The following PAM variants were observed in gnomAD, a reference collection of about 807,000 sequenced individuals.
The protein encoded by PAM is peptidyl-glycine alpha-amidating monooxygenase.
A neutral mutation model predicts 122.1 loss-of-function variants in PAM; 72 were observed. The ratio of observed to expected loss-of-function variants is 0.59; its 90% CI spans 0.49 to 0.72. The LOEUF is 0.72. PAM is among the 30% of genes least tolerant of loss of function. PAM has a pLI of 0.00. For missense variants in PAM, 1,106 were observed against 1,183.7 expected (o/e 0.93, Z 0.96); for synonymous variants, 389 against 404.4 (o/e 0.96, Z 0.46).
chr5:103,027,034 G>A (rs930388959), intron 24 of PAM, among the ~76,000 whole-genome samples: 11 of 152,276 alleles, frequency 7.2e-5, no homozygotes, highest in African/African-American at 2.6e-4. Flanking sequence ...TTATTTGACC[G>A]TGTTTTACTT....
Position 102,836,213 on chromosome 5 carries a change from GA to G in PAM, c.-373-29605del, listed in dbSNP as rs1252723364. On this transcript the variant is annotated intron_variant, in intron 1 of 25. Coordinates refer to ENST00000438793, the MANE Select transcript of PAM (RefSeq NM_001177306.2). Reference sequence around the variant, plus strand: ...GTTGAAATGATTAATATTTTATGTTGAAAAATCTACTTATTTGAATGTTTCA... The same window carrying G: ...GTTGAAATGATTAATATTTTATGTTGAAAATCTACTTATTTGAATGTTTCA... Among the ~76,000 whole-genome samples, 4 of 152,074 alleles carry G rather than the reference GA, an allele frequency of 2.6e-5. No homozygotes were observed. The East Asian group carries it at 7.7e-4, about 29-fold the overall frequency.
intron 15 of PAM, chr5:102,987,441 A>G (rs1186056385): frequency 2.4e-6 from 1 of 411,324 alleles, no homozygotes; most frequent in Non-Finnish European, 4.8e-6. Context: ...ATGTAGAGAG[A>G]TGAAATAACT....
intron 1 of PAM, among the ~76,000 whole-genome samples, chr5:102,768,013 C>T (rs1250919721): frequency 1.3e-5 from 2 of 152,068 alleles, no homozygotes; most frequent in Non-Finnish European, 2.9e-5. Context: ...AATTAATAAG[C>T]TCATCGATGT....
intron 4 of PAM, among the ~76,000 whole-genome samples, chr5:102,907,689 T>C (rs1486537892): frequency 1.3e-5 from 2 of 151,908 alleles, no homozygotes; most frequent in African/African-American, 4.8e-5. Flanking sequence ...TAGTATCTCA[T>C]TGTGGTTTTG....
At chr5:103,010,137 TG>T (rs1780193094) in intron 21 of PAM, among the ~76,000 whole-genome samples, 1 of 152,196 alleles carries the variant, frequency 6.6e-6, no homozygotes, top group African/African-American at 2.4e-5. Flanking sequence ...CACCTGCATA[TG>T]ATGGCAGGTT....
intron 24 of PAM, among the ~76,000 whole-genome samples, chr5:103,027,505 A>G (rs1249348282): frequency 6.6e-6 from 1 of 152,148 alleles, no homozygotes; most frequent in Non-Finnish European, 1.5e-5. Flanking sequence ...AAAAAATGAA[A>G]CCCATTGGGA....
chr5:102,870,337 T>C (rs1786990193), intron 3 of PAM, among the ~76,000 whole-genome samples: 1 of 152,054 alleles, frequency 6.6e-6, no homozygotes, highest in Non-Finnish European at 1.5e-5. Context: ...TAGGCTTAGA[T>C]AGAGAAACAA....
intron 1 of PAM, among the ~76,000 whole-genome samples, chr5:102,841,150 G>A (rs13155440): frequency 6.6e-6 from 1 of 152,036 alleles, no homozygotes; most frequent in Admixed American, 6.6e-5. Flanking sequence ...AGCATACATA[G>A]TAAGTTTCAT....
intron 18 of PAM, among the ~76,000 whole-genome samples, chr5:103,006,063 T>G (rs1440660291): frequency 6.6e-6 from 1 of 152,048 alleles, no homozygotes; most frequent in Non-Finnish European, 1.5e-5. Flanking sequence ...GCCTCCCAAG[T>G]AGCTGGGACC....
chr5:102,862,125 G>A (rs1784346928), intron 1 of PAM, among the ~76,000 whole-genome samples: 1 of 148,396 alleles, frequency 6.7e-6, no homozygotes, highest in Non-Finnish European at 1.5e-5. Flanking sequence ...AGCCAAAATT[G>A]CGCCACTGCA....
At position 102,974,443 on chromosome 5, in the gene PAM, G is replaced by T. The variant is rs746917397; in HGVS notation, c.1483+7G>T. On this transcript the variant is annotated splice_region_variant and intron_variant, in intron 15 of 25. Coordinates refer to ENST00000438793, the MANE Select transcript of PAM (RefSeq NM_001177306.2). ...GAACCAGAACACACAGGAGGTGCGTGTAGGGTTTCTTTTAAGCAGTAAAGT... is the reference window on the plus strand; with the variant it reads ...GAACCAGAACACACAGGAGGTGCGTTTAGGGTTTCTTTTAAGCAGTAAAGT... 1.9e-6 allele frequency: 3 copies of T among 1,591,690 alleles called. No homozygotes were observed. The highest frequency in any genetic ancestry group is 2.6e-6 in the Non-Finnish European group (3 of 1,165,916).
At chr5:102,944,498 G>T (rs919125586) in intron 7 of PAM, among the ~76,000 whole-genome samples, 86 of 152,262 alleles carry the variant, frequency 5.6e-4, no homozygotes, top group African/African-American at 2.0e-3. Flanking sequence ...ACTTTTGCAT[G>T]ATAATGTTGT....
At chr5:102,768,405 A>T (rs538797147) in intron 1 of PAM, among the ~76,000 whole-genome samples, 1 of 152,192 alleles carries the variant, frequency 6.6e-6, no homozygotes, top group South Asian at 2.1e-4. Context: ...CATTGACTAC[A>T]GTCACCTTGT....
At chr5:102,884,394 T>A (rs1236879575) in intron 3 of PAM, among the ~76,000 whole-genome samples, 1 of 151,830 alleles carries the variant, frequency 6.6e-6, no homozygotes, top group Non-Finnish European at 1.5e-5. Flanking sequence ...TTCCCCTGCT[T>A]TGCACCGGTG....
chr5:102,950,939 A>G, intron 12 of PAM, 119 bp downstream of exon 12: 1 of 627,872 alleles, frequency 1.6e-6, no homozygotes, highest in Non-Finnish European at 2.8e-6. Flanking sequence ...GACAATTACA[A>G]CAAACTGTGG....
upstream of PAM, chr5:102,755,197 C>A (rs1356652980): frequency 6.6e-6 from 1 of 152,472 alleles, no homozygotes; most frequent in Non-Finnish European, 1.5e-5. Context: ...GCCCGGCGCA[C>A]GCCGAGGAGA....
At chr5:102,914,191 T>A (rs148428089) in intron 5 of PAM, among the ~76,000 whole-genome samples, 170 bp downstream of exon 5, 44 of 152,198 alleles carry the variant, frequency 2.9e-4, no homozygotes, top group Admixed American at 2.1e-3. Flanking sequence ...CACAGTTATT[T>A]AGTCTGCTAT....
chr5:102,862,445 C>T (rs1306312607), intron 1 of PAM, among the ~76,000 whole-genome samples: 1 of 152,036 alleles, frequency 6.6e-6, no homozygotes, highest in Non-Finnish European at 1.5e-5. Context: ...AGTCAAATTG[C>T]TATGTGAATG....
At chr5:102,810,607 G>T (rs1767619827) in intron 1 of PAM, among the ~76,000 whole-genome samples, 1 of 152,132 alleles carries the variant, frequency 6.6e-6, no homozygotes, top group East Asian at 1.9e-4. Flanking sequence ...GAGGCAGGCA[G>T]ATCACCTGAG....
Sources: gnomAD v4.1 joint callset for allele counts (sites outside exome capture counted in the v4.1 genomes callset) on GRCh38, gnomAD v4.1.1 for gene constraint, MANE v1.5 for transcripts, NCBI Gene and HGNC (gene_info 2026-07-23, HGNC 2026-07-21) for gene names.